ZC3H3: variants seen among roughly 807,000 people sequenced by gnomAD.
ZC3H3 encodes the protein zinc finger CCCH-type containing 3.
A neutral mutation model predicts 77.3 loss-of-function variants in ZC3H3; 36 were observed. That is an observed-to-expected ratio of 0.47 (90% CI 0.36 to 0.61). ZC3H3 has a LOEUF of 0.61. Among genes scored for constraint, ZC3H3 ranks in the 20% least tolerant of loss-of-function variants. The pLI is 0.00. For missense variants in ZC3H3, 1,331 were observed against 1,312.2 expected, an observed-to-expected ratio of 1.01 and a Z score of -0.22; for synonymous variants, 626 against 555.2, an observed-to-expected ratio of 1.13 and a Z score of -1.79.
intron 8 of ZC3H3, 21 bp downstream of exon 8, chr8:143,468,188 G>C: frequency 6.2e-7 from 1 of 1,604,136 alleles, no homozygotes; most frequent in African/African-American, 1.3e-5. Flanking sequence ...ACGGGAGCAG[G>C]GCCACCAGCG....
At chr8:143,480,875 A>T (rs1229178790) in intron 4 of ZC3H3, among the ~76,000 whole-genome samples, 1 of 152,082 alleles carries the variant, frequency 6.6e-6, no homozygotes, top group Non-Finnish European at 1.5e-5. Flanking sequence ...ACTCAGGCAG[A>T]GGTGGTAAGG....
chr8:143,526,668 A>G (rs1822422828), intron 3 of ZC3H3, among the ~76,000 whole-genome samples: 2 of 152,164 alleles, frequency 1.3e-5, no homozygotes, highest in South Asian at 4.1e-4. Context: ...ACTTACGGGC[A>G]GCAGATGGGG....
chr8:143,539,164 G>A lies in ZC3H3; in HGVS notation c.203C>T (p.Pro68Leu), dbSNP rs776190801. Reference sequence around the variant, plus strand: ...GAGGGAGTATTTCTTGCGCCACGAAGGCCCATGGTGGGAAGAGTAGCCCCT... The same window carrying A: ...GAGGGAGTATTTCTTGCGCCACGAAAGCCCATGGTGGGAAGAGTAGCCCCT... ...SRRGYSSHHGPSWRKKYSLVN... is the reference protein window; with the variant it reads ...SRRGYSSHHGLSWRKKYSLVN... The change falls in exon 2 of 12, where the codon CCT (proline) becomes CTT (leucine). Residue 68 changes from proline to leucine, a missense_variant. By Grantham distance (98) the Pro-to-Leu change is moderately conservative (BLOSUM62 -3). Around this residue, in one of 3 missense-constraint regions of ZC3H3, gnomAD observed 978 missense variants for 915.5 expected, o/e 1.07. Coordinates refer to ENST00000262577, the MANE Select transcript of ZC3H3 (RefSeq NM_015117.3). 6.2e-7 allele frequency: 1 copy of A among 1,613,008 alleles called. No homozygotes were observed.
At chr8:143,511,280 A>G (rs1025822133) in intron 3 of ZC3H3, among the ~76,000 whole-genome samples, 3 of 152,120 alleles carry the variant, frequency 2.0e-5, no homozygotes, top group African/African-American at 7.2e-5. Context: ...GGCCCTGCCC[A>G]CCCGGCTCAC....
chr8:143,514,379 A>T (rs2130442276), intron 3 of ZC3H3, among the ~76,000 whole-genome samples: 1 of 152,236 alleles, frequency 6.6e-6, no homozygotes, highest in South Asian at 2.1e-4. Context: ...CAGCATCCAC[A>T]GTGGAGCTGG....
rs921661972 is a variant in ZC3H3, at chr8:143,538,763, C to G, written c.604G>C (p.Val202Leu). 2 of 1,611,638 alleles carry G rather than the reference C, an allele frequency of 1.2e-6. No homozygotes were observed. The highest frequency in any genetic ancestry group is 1.7e-6 in the Non-Finnish European group (2 of 1,179,880). Reference protein sequence around the residue: ...CQKEPGKPRMVKSVGSVGDSP... With the variant: ...CQKEPGKPRMLKSVGSVGDSP... ...TCGCCCACACTGCCCACTGACTTCA[C>G]CATCCTGGGCTTACCAGGCTCCTTC... The change falls in exon 2 of 12, where the codon GTG (valine) becomes CTG (leucine). Residue 202 changes from valine (V) to leucine (L), a missense_variant. Val to Leu is a conservative substitution (Grantham distance 32). This residue lies in a region of ZC3H3 where 978 missense variants were observed against 915.5 expected (regional missense o/e 1.07). Transcript: ENST00000262577.
chr8:143,534,215 G>A (rs985089755), intron 3 of ZC3H3, among the ~76,000 whole-genome samples: 11 of 150,382 alleles, frequency 7.3e-5, no homozygotes, highest in Non-Finnish European at 1.6e-4. Context: ...AGGCTGCAAT[G>A]AGCTGTGACT....
At chr8:143,478,141 C>G (rs1438406382) in intron 4 of ZC3H3, among the ~76,000 whole-genome samples, 2 of 152,198 alleles carry the variant, frequency 1.3e-5, no homozygotes, top group Non-Finnish European at 2.9e-5. Flanking sequence ...CTGGGTCCAG[C>G]CAGGACTCCC....
intron 4 of ZC3H3, among the ~76,000 whole-genome samples, chr8:143,490,968 CA>C (rs1290024926): frequency 6.6e-6 from 1 of 152,166 alleles, no homozygotes; most frequent in Non-Finnish European, 1.5e-5. Context: ...CCTCTAAAAC[CA>C]AGGTAAAGTG....
chr8:143,451,804 G>C (rs953574135), intron 9 of ZC3H3, among the ~76,000 whole-genome samples: 2 of 149,894 alleles, frequency 1.3e-5, no homozygotes, highest in African/African-American at 4.9e-5. Context: ...AAAAAGAAAA[G>C]AAAAGAAAAG....
chr8:143,459,427 A>C (rs540364132), intron 9 of ZC3H3, among the ~76,000 whole-genome samples: 1 of 152,120 alleles, frequency 6.6e-6, no homozygotes, highest in East Asian at 1.9e-4. Context: ...CGCGTGCCTG[A>C]AATCCCAGCT....
chr8:143,508,801 C>A (rs1821788993), intron 3 of ZC3H3, among the ~76,000 whole-genome samples: 1 of 151,814 alleles, frequency 6.6e-6, no homozygotes, highest in Non-Finnish European at 1.5e-5. Flanking sequence ...TCCTTCCAGT[C>A]AGTGCCCAGC....
chr8:143,464,934 G>A (rs11985039), intron 9 of ZC3H3, among the ~76,000 whole-genome samples: 68,051 of 151,906 alleles, frequency 0.45, 16,047 homozygotes, highest in African/African-American at 0.61. Context: ...GGGTAGAGGG[G>A]GCTTGTACCC....
intron 3 of ZC3H3, among the ~76,000 whole-genome samples, chr8:143,535,465 C>T (rs1432956335): frequency 6.6e-6 from 1 of 152,216 alleles, no homozygotes; most frequent in Non-Finnish European, 1.5e-5. Context: ...CTAACGCGCC[C>T]AGCAGAGCCC....
chr8:143,478,726 T>G (rs1236158440), intron 4 of ZC3H3, among the ~76,000 whole-genome samples: 1 of 152,188 alleles, frequency 6.6e-6, no homozygotes, highest in Non-Finnish European at 1.5e-5. Flanking sequence ...GCCAAGCTGG[T>G]CTCGAACTCC....
chr8:143,455,867 G>T (rs1429745138), intron 9 of ZC3H3, among the ~76,000 whole-genome samples: 1 of 150,950 alleles, frequency 6.6e-6, no homozygotes, highest in African/African-American at 2.4e-5. Context: ...TAGCTACTCA[G>T]GAAGCTGAGG....
chr8:143,458,211 A>G (rs953939588), intron 9 of ZC3H3, among the ~76,000 whole-genome samples: 4 of 152,256 alleles, frequency 2.6e-5, no homozygotes, highest in Non-Finnish European at 5.9e-5. Flanking sequence ...AATTATACAC[A>G]CATAAAATTG....
chr8:143,536,760 C>T (rs925236665), intron 2 of ZC3H3, among the ~76,000 whole-genome samples: 1 of 152,168 alleles, frequency 6.6e-6, no homozygotes, highest in African/African-American at 2.4e-5. Context: ...ACCCCCTCCC[C>T]ATCTGCCCAG....
chr8:143,505,858 C>T (rs1821675731), intron 4 of ZC3H3, among the ~76,000 whole-genome samples: 1 of 152,232 alleles, frequency 6.6e-6, no homozygotes. Flanking sequence ...GATGCCTGCT[C>T]CACCTCCTGC....
Sources: gnomAD v4.1 joint callset for allele counts (sites outside exome capture counted in the v4.1 genomes callset) on GRCh38, gnomAD v4.1.1 for gene constraint, gnomAD v4.1.1 regional missense constraint, MANE v1.5 for transcripts, NCBI Gene and HGNC (gene_info 2026-07-23, HGNC 2026-07-21) for gene names.